TGFBR3: variants seen among roughly 807,000 people sequenced by gnomAD.
TGFBR3 encodes the protein transforming growth factor beta receptor 3, also known as transforming growth factor beta receptor type 3.
A neutral mutation model predicts 87.9 loss-of-function variants in TGFBR3; 46 were observed. The observed-to-expected ratio is 0.52, with a 90% CI of 0.41 to 0.67. The LOEUF (loss-of-function observed/expected upper bound fraction) is 0.67, where lower values mean the gene tolerates loss of function less well. TGFBR3 is among the 30% of genes least tolerant of loss of function. The probability of loss-of-function intolerance (pLI) is 0.00; values close to 1 mark genes in which losing one functional copy is unlikely to be tolerated. For missense variants in TGFBR3, 866 were observed against 1,041.9 expected (o/e 0.83, Z 2.32); for synonymous variants, 381 against 391.6 (o/e 0.97, Z 0.32).
intron 13 of TGFBR3, among the ~76,000 whole-genome samples, chr1:91,711,198 G>C (rs562746690): frequency 6.6e-6 from 1 of 152,280 alleles, no homozygotes; most frequent in East Asian, 1.9e-4. Context: ...CGCCGCAAAA[G>C]CAAACCTAGG....
intron 2 of TGFBR3, among the ~76,000 whole-genome samples, chr1:91,896,075 C>T (rs1054889644): frequency 1.3e-5 from 2 of 152,136 alleles, no homozygotes; most frequent in Non-Finnish European, 2.9e-5. Context: ...CACTAACAAA[C>T]ATATACACAC....
intron 2 of TGFBR3, among the ~76,000 whole-genome samples, chr1:91,851,361 T>A (rs1293794408): frequency 6.6e-6 from 1 of 152,146 alleles, no homozygotes; most frequent in Non-Finnish European, 1.5e-5. Flanking sequence ...CTGGCAGAGA[T>A]CGTTTTAAAG....
intron 2 of TGFBR3, among the ~76,000 whole-genome samples, chr1:91,823,720 G>A (rs1676533893): frequency 6.6e-6 from 1 of 152,212 alleles, no homozygotes; most frequent in Admixed American, 6.5e-5. Context: ...CTACAGGGAG[G>A]CTGAAGAGAA....
intron 2 of TGFBR3, 131 bp from the exon 3 acceptor site, chr1:91,797,602 G>A: frequency 1.1e-6 from 1 of 938,048 alleles, no homozygotes; most frequent in East Asian, 2.6e-5. Flanking sequence ...AAGACTAAGT[G>A]GCCAAAAAGC....
At chr1:91,902,692 A>C (rs181735806) in intron 1 of TGFBR3, among the ~76,000 whole-genome samples, 175 of 151,624 alleles carry the variant, frequency 1.2e-3, no homozygotes, top group Non-Finnish European at 2.1e-3. Context: ...AATTAATTAC[A>C]TTCCAGACTT....
At chr1:91,734,602 A>C (rs1672891861) in intron 5 of TGFBR3, among the ~76,000 whole-genome samples, 174 bp downstream of exon 5, 1 of 152,182 alleles carries the variant, frequency 6.6e-6, no homozygotes, top group South Asian at 2.1e-4. Context: ...AGGAAAAAAG[A>C]AGGGAGGGAA....
intron 3 of TGFBR3, among the ~76,000 whole-genome samples, chr1:91,768,716 G>A (rs933819622): frequency 4.6e-5 from 7 of 152,118 alleles, no homozygotes; most frequent in Non-Finnish European, 7.4e-5. Context: ...CTTCTGCCAC[G>A]ATTGAAAGTT....
At chr1:91,860,390 A>G (rs1205483370) in intron 2 of TGFBR3, among the ~76,000 whole-genome samples, 2 of 152,200 alleles carry the variant, frequency 1.3e-5, no homozygotes, top group East Asian at 3.8e-4. Context: ...TTTCGAGTCA[A>G]TGCTTTTCTT....
intron 3 of TGFBR3, among the ~76,000 whole-genome samples, chr1:91,777,779 T>A (rs1056258994): frequency 5.3e-5 from 8 of 152,192 alleles, no homozygotes; most frequent in South Asian, 4.1e-4. Flanking sequence ...TTGCTCTTTG[T>A]CCCTGGATGC....
rs141981218 is a variant in TGFBR3 at position 91,729,924 on chromosome 1, G to A, written c.618C>T (p.Leu206=). Residue 206 remains leucine, a synonymous_variant, in exon 6 of 17, where the codon CTC becomes CTT. Transcript: ENST00000212355. ...GTTGAAGGTACTCAGCAAGGTAATT[G>A]AGTGAGAGAAAATTCTTCCCTATGT... The part of the protein sequence containing the change: ...KCNIGKNFLS[L]NYLAEYLQPK... 8.1e-6 allele frequency: 13 copies of A among 1,614,024 alleles called. No homozygotes were observed. In the African/African-American group the frequency reaches 1.6e-4, roughly 20 times the overall value.
At chr1:91,720,771 T>C (rs1475155090) in intron 8 of TGFBR3, among the ~76,000 whole-genome samples, 1 of 152,246 alleles carries the variant, frequency 6.6e-6, no homozygotes, top group African/African-American at 2.4e-5. Context: ...GCCACTAAAA[T>C]ACTTTCCTTG....
intron 14 of TGFBR3, among the ~76,000 whole-genome samples, chr1:91,706,530 C>A (rs578044286): frequency 1.3e-5 from 2 of 152,280 alleles, no homozygotes; most frequent in Non-Finnish European, 2.9e-5. Flanking sequence ...AGGGGAGGAA[C>A]CCTAGTTCCG....
intron 1 of TGFBR3, among the ~76,000 whole-genome samples, chr1:91,901,014 C>T (rs1327639212): frequency 1.3e-5 from 2 of 152,314 alleles, no homozygotes; most frequent in Non-Finnish European, 2.9e-5. Flanking sequence ...GCATACACCA[C>T]TGAATGTGGC....
At chr1:91,778,649 ATACT>A (rs1571500829) in intron 3 of TGFBR3, among the ~76,000 whole-genome samples, 2 of 152,336 alleles carry the variant, frequency 1.3e-5, no homozygotes, top group East Asian at 1.9e-4. Flanking sequence ...CTACATCAAC[ATACT>A]TATTTATTCA....
intron 2 of TGFBR3, among the ~76,000 whole-genome samples, chr1:91,854,727 T>A (rs533320093): frequency 6.6e-6 from 1 of 152,308 alleles, no homozygotes; most frequent in Non-Finnish European, 1.5e-5. Context: ...ATACAATTTT[T>A]ATTTGTCAAG....
chr1:91,759,089 C>A (rs1673856875), intron 3 of TGFBR3, among the ~76,000 whole-genome samples: 1 of 152,134 alleles, frequency 6.6e-6, no homozygotes, highest in Non-Finnish European at 1.5e-5. Flanking sequence ...CTTAGGCCTG[C>A]TTTAAGCTTT....
chr1:91,697,993 T>C, intron 15 of TGFBR3, 96 bp downstream of exon 15: 1 of 1,169,018 alleles, frequency 8.6e-7, no homozygotes, highest in Non-Finnish European at 1.3e-6. Flanking sequence ...AGAAGTCTCC[T>C]TATCAAAACT....
rs192916684 is a variant in TGFBR3, at chr1:91,839,108, G to T, written c.61+22363C>A. ...TCCTCTCACCTCAGCCTCCTGAGCA[G>T]CTGGGACCACAGGCACACACCACCA... is the stretch of plus-strand genomic sequence containing the variant. On this transcript the variant is annotated intron_variant, in intron 2 of 16. Transcript: ENST00000212355. Among the ~76,000 whole-genome samples the T allele has an allele frequency of 2.7e-3, 412 of 152,242 alleles. 3 individuals are homozygous for T. Among genetic ancestry groups the T allele is most frequent in the African/African-American group, 9.6e-3 (399 of 41,546 alleles).
intron 3 of TGFBR3, 28 bp from the exon 4 acceptor site, chr1:91,758,778 A>G: frequency 6.2e-7 from 1 of 1,613,576 alleles, no homozygotes; most frequent in South Asian, 1.1e-5. Context: ...GAGGGCAGAA[A>G]TCTTAGCCCT....
Sources: gnomAD v4.1 joint callset for allele counts (sites outside exome capture counted in the v4.1 genomes callset) on GRCh38, gnomAD v4.1.1 for gene constraint, MANE v1.5 for transcripts, NCBI Gene and HGNC (gene_info 2026-07-23, HGNC 2026-07-21) for gene names.